FBLN7: variants seen among roughly 807,000 people sequenced by gnomAD.
FBLN7 encodes fibulin 7, also known as fibulin-7.
In FBLN7, 31 loss-of-function variants were observed where a neutral mutation model predicts 44.0. The ratio of observed to expected loss-of-function variants is 0.70; its 90% confidence interval spans 0.53 to 0.95. The LOEUF is 0.95. Ranked by LOEUF, FBLN7 falls within the 40% of genes least tolerant of loss-of-function variation. The pLI, the probability that FBLN7 is intolerant of heterozygous loss-of-function variation, is 0.00. For missense variants in FBLN7, 573 were observed against 618.5 expected (o/e 0.93, Z 0.78); for synonymous variants, 262 against 253.4 (o/e 1.03, Z -0.32).
rs1680929671 is a variant in FBLN7, at chr2:112,146,989, CA to C, written c.75+8261del. Among the ~76,000 whole-genome samples the C allele has an allele frequency of 7.2e-5, 11 of 152,250 alleles. No homozygotes were observed. The South Asian group carries it at 2.1e-3, about 29-fold the overall frequency. On this transcript the variant is annotated intron_variant, in intron 1 of 7. Coordinates refer to ENST00000331203, the MANE Select transcript of FBLN7 (RefSeq NM_153214.3). ...ATTTCCTTCTTGTCCTAGTTTGATA[CA>C]ATACTTATTATGAATGGACATTGAA... is the stretch of plus-strand genomic sequence containing the variant.
At chr2:112,164,961 C>T in intron 2 of FBLN7, 40 bp from the exon 3 acceptor site, 3 of 1,601,896 alleles carry the variant, frequency 1.9e-6, no homozygotes, top group Non-Finnish European at 1.7e-6. Context: ...GGCTGTGGTC[C>T]AGGATGAGGA....
At chr2:112,228,752 A>C in the FBLN7 span, among the ~76,000 whole-genome samples, 1 of 152,230 alleles carries the variant, frequency 6.6e-6, no homozygotes, top group African/African-American at 2.4e-5. Context: ...TACGACATCA[A>C]AATGAAAACT....
At chr2:112,167,016 G>C (rs1016581199) in intron 3 of FBLN7, among the ~76,000 whole-genome samples, 2 of 152,188 alleles carry the variant, frequency 1.3e-5, no homozygotes, top group Non-Finnish European at 2.9e-5. Flanking sequence ...AGGGCCTACT[G>C]GCTTCAGGCT....
chr2:112,195,339 TCACCTCAGCCA>T, the FBLN7 span, among the ~76,000 whole-genome samples: 62 of 152,222 alleles, frequency 4.1e-4, no homozygotes, highest in African/African-American at 1.4e-3. Flanking sequence ...ATGCCAGGAT[TCACCTCAGCCA>T]TGCGGTGGCA....
At chr2:112,197,274 C>CACACACACACACACACACAG in the FBLN7 span, among the ~76,000 whole-genome samples, 8 of 98,660 alleles carry the variant, frequency 8.1e-5, no homozygotes, top group East Asian at 2.6e-4. Flanking sequence ...CACACACACA[C>CACACACACACACACACACAG]AGAGAGAGAG....
the FBLN7 span, among the ~76,000 whole-genome samples, chr2:112,208,439 C>A: frequency 6.6e-6 from 1 of 151,044 alleles, no homozygotes; most frequent in Non-Finnish European, 1.5e-5. Context: ...ACAAACAAAC[C>A]ACACATAGTG....
intron 1 of FBLN7, among the ~76,000 whole-genome samples, chr2:112,157,351 T>TA (rs1681482501): frequency 6.6e-6 from 1 of 152,126 alleles, no homozygotes; most frequent in Admixed American, 6.5e-5. Flanking sequence ...GCCTGGGTGA[T>TA]AGAGTGAGAC....
the FBLN7 span, among the ~76,000 whole-genome samples, chr2:112,221,296 T>C: frequency 1.3e-5 from 2 of 152,156 alleles, no homozygotes; most frequent in African/African-American, 4.8e-5. Context: ...GTCCTAGTGA[T>C]AGTGAGTGAA....
chr2:112,190,951 G>T (rs957327383), downstream of FBLN7, among the ~76,000 whole-genome samples: 1 of 152,038 alleles, frequency 6.6e-6, no homozygotes. Context: ...ATTTAATTCA[G>T]GACTACTGTG....
At chr2:112,182,100 C>A in intron 5 of FBLN7, 1 of 582,566 alleles carries the variant, frequency 1.7e-6, no homozygotes, top group Non-Finnish European at 2.9e-6. Context: ...CTGGTCCAGC[C>A]TATGCCCAAG....
Position 112,181,746 on chromosome 2 carries a change from C to G in FBLN7, c.540C>G (p.Pro180=), listed in dbSNP as rs943451263. The part of the protein sequence containing the change: ...RCQHQAQTAA[P]EGSVAGDSAF... ...CGTGTCTTCTCCCCGCAGCCGCCCC[C>G]GAGGGCAGCGTGGCCGGCGACTCCG... The change falls in exon 5 of 8, where the codon CCC becomes CCG. Residue 180 remains proline (P), a synonymous_variant. Coordinates refer to ENST00000331203, the MANE Select transcript of FBLN7 (RefSeq NM_153214.3). The G allele has an allele frequency of 6.5e-6, 9 of 1,393,354 alleles. No individual in the cohort carries two copies. Among genetic ancestry groups the G allele is most frequent in the South Asian group, 1.6e-5 (1 of 62,946 alleles). 86.3% of individuals were successfully genotyped at this position (1,393,354 alleles called of 1,614,324 possible).
At chr2:112,221,350 A>T in the FBLN7 span, among the ~76,000 whole-genome samples, 1 of 150,288 alleles carries the variant, frequency 6.7e-6, no homozygotes, top group Non-Finnish European at 1.5e-5. Context: ...GCTCCTCCCC[A>T]CTCTCTCTCT....
At chr2:112,165,831 A>G (rs2104575911) in intron 3 of FBLN7, among the ~76,000 whole-genome samples, 1 of 152,274 alleles carries the variant, frequency 6.6e-6, no homozygotes, top group East Asian at 1.9e-4. Context: ...CTTTTTTGAT[A>G]TAGAGGAAAA....
chr2:112,148,738 G>C (rs4550679), intron 1 of FBLN7, among the ~76,000 whole-genome samples: 3 of 152,194 alleles, frequency 2.0e-5, no homozygotes, highest in Admixed American at 2.0e-4. Context: ...CCTCCAGGAG[G>C]CTAGCTGGGG....
the FBLN7 span, chr2:112,232,060 A>C: frequency 1.9e-6 from 1 of 532,632 alleles, no homozygotes; most frequent in Non-Finnish European, 3.1e-6. Context: ...GAGGTGGCTC[A>C]TGCCTGTAGG....
At chr2:112,186,278 A>G (rs1683262720) in intron 7 of FBLN7, among the ~76,000 whole-genome samples, 1 of 152,210 alleles carries the variant, frequency 6.6e-6, no homozygotes. Context: ...ACATAGAGAA[A>G]TATCGAAAGC....
chr2:112,149,244 G>C (rs1400566926), intron 1 of FBLN7, among the ~76,000 whole-genome samples: 2 of 152,182 alleles, frequency 1.3e-5, no homozygotes, highest in Non-Finnish European at 2.9e-5. Context: ...GGCCCTGGGG[G>C]CATTGGGCAG....
chr2:112,149,426 C>T (rs1004672432), intron 1 of FBLN7, among the ~76,000 whole-genome samples: 3 of 152,216 alleles, frequency 2.0e-5, no homozygotes, highest in Non-Finnish European at 2.9e-5. Context: ...GCAGGCAGAT[C>T]GAGCCAGATG....
the FBLN7 span, among the ~76,000 whole-genome samples, chr2:112,203,419 C>T: frequency 2.6e-5 from 4 of 152,132 alleles, no homozygotes; most frequent in African/African-American, 9.7e-5. Flanking sequence ...TAAAAAAATA[C>T]AAACTTTACA....
Sources: gnomAD v4.1 joint callset for allele counts (sites outside exome capture counted in the v4.1 genomes callset) on GRCh38, gnomAD v4.1.1 for gene constraint, MANE v1.5 for transcripts, NCBI Gene and HGNC (gene_info 2026-07-23, HGNC 2026-07-21) for gene names.